TNIK: variants seen among roughly 807,000 people sequenced by gnomAD.
TNIK encodes the protein TRAF2 and NCK interacting kinase.
In TNIK, 49 loss-of-function variants were observed where a neutral mutation model predicts 191.3. That is an observed-to-expected ratio of 0.26 (90% CI 0.20 to 0.32). The LOEUF (loss-of-function observed/expected upper bound fraction) is 0.32. Among genes scored for constraint, TNIK ranks in the 10% least tolerant of loss-of-function variants. The pLI, the probability that TNIK is intolerant of heterozygous loss-of-function variation, is 1.00. For synonymous variants in TNIK, 594 were observed against 600.9 expected (o/e 0.99, Z 0.17); for missense variants, 1,155 against 1,702.3 (o/e 0.68, Z 5.66).
At chr3:171,440,297 C>T (rs1255071790) in intron 1 of TNIK, among the ~76,000 whole-genome samples, 1 of 152,156 alleles carries the variant, frequency 6.6e-6, no homozygotes, top group Non-Finnish European at 1.5e-5. Context: ...TAACAGTAAA[C>T]ATAGGAACAT....
Position 171,084,284 on chromosome 3 carries a change from G to A in TNIK, c.3040C>T (p.Leu1014Phe). ...ACCGAAATCTTTCTTGCTTCATTGA[G>A]TTTGGCCTGTTCTTGCCTAAGAAGT... ...SELLRQEQAK[L>F]NEARKISVVN... The change falls in exon 26 of 33, where the codon CTC (leucine) becomes TTC (phenylalanine). Residue 1014 changes from leucine to phenylalanine, a missense_variant. Around this residue, in one of 3 missense-constraint regions of TNIK, gnomAD observed 735 missense variants for 848.0 expected, o/e 0.87. Coordinates refer to ENST00000436636, the MANE Select transcript of TNIK (RefSeq NM_015028.4). The A allele has an allele frequency of 6.2e-7, 1 of 1,613,822 alleles. No individual in the cohort carries two copies. Among genetic ancestry groups the A allele is most frequent in the East Asian group, 2.2e-5 (1 of 44,870 alleles).
At chr3:171,357,197 G>C (rs1352977003) in intron 2 of TNIK, among the ~76,000 whole-genome samples, 1 of 152,046 alleles carries the variant, frequency 6.6e-6, no homozygotes, top group Non-Finnish European at 1.5e-5. Flanking sequence ...ATTATATTTT[G>C]TGTCAGTCTC....
At chr3:171,386,865 C>T (rs1718803864) in intron 1 of TNIK, among the ~76,000 whole-genome samples, 1 of 152,148 alleles carries the variant, frequency 6.6e-6, no homozygotes, top group African/African-American at 2.4e-5. Flanking sequence ...AAAACTTTGC[C>T]ACTCCAGGGT....
intron 12 of TNIK, among the ~76,000 whole-genome samples, chr3:171,153,336 C>T (rs1390141937): frequency 6.6e-6 from 1 of 152,070 alleles, no homozygotes; most frequent in Non-Finnish European, 1.5e-5. Context: ...TTTATTACCA[C>T]AAACCAATAA....
intron 2 of TNIK, among the ~76,000 whole-genome samples, chr3:171,272,440 A>G (rs991188610): frequency 6.6e-6 from 1 of 152,230 alleles, no homozygotes; most frequent in Non-Finnish European, 1.5e-5. Flanking sequence ...CACCGTACAC[A>G]TCGAGACAGT....
intron 2 of TNIK, among the ~76,000 whole-genome samples, chr3:171,273,393 C>G (rs1749363251): frequency 6.6e-6 from 1 of 152,136 alleles, no homozygotes; most frequent in South Asian, 2.1e-4. Flanking sequence ...CTCTCTTTTC[C>G]CAAAGTGGAC....
chr3:171,316,770 T>C (rs1754640570), intron 2 of TNIK, among the ~76,000 whole-genome samples: 1 of 152,006 alleles, frequency 6.6e-6, no homozygotes, highest in Non-Finnish European at 1.5e-5. Flanking sequence ...TGTGTCCTCC[T>C]GCCTGAATGA....
At chr3:171,072,550 T>G (rs2108327289) in intron 28 of TNIK, among the ~76,000 whole-genome samples, 1 of 151,940 alleles carries the variant, frequency 6.6e-6, no homozygotes, top group East Asian at 1.9e-4. Context: ...CTCTTACCAC[T>G]CCTATAGTAT....
At position 171,437,737 on chromosome 3, in the gene TNIK, C is replaced by A. The variant is rs553751614; in HGVS notation, c.57+22270G>T. Among the ~76,000 whole-genome samples the A allele has an allele frequency of 4.6e-5, 7 of 152,304 alleles. No individual in the cohort carries two copies. The South Asian group carries it at 1.2e-3, about 27-fold the overall frequency. ...CTGAAATCCACCTATAATCTGTCAC[C>A]CATGCCAAGGCCATGTTTGAACTTC... On this transcript the variant is annotated intron_variant, in intron 1 of 32. Transcript: ENST00000436636.
chr3:171,345,236 T>A (rs1463305304), intron 2 of TNIK, among the ~76,000 whole-genome samples: 1 of 152,194 alleles, frequency 6.6e-6, no homozygotes. Flanking sequence ...AGCTATTTCC[T>A]TTTTTGTTTG....
At chr3:171,369,505 T>A (rs1191955603) in intron 2 of TNIK, 115 bp downstream of exon 2, 3 of 653,684 alleles carry the variant, frequency 4.6e-6, no homozygotes, top group Non-Finnish European at 7.6e-6. Flanking sequence ...AACAAGTATA[T>A]TAATTCATTT....
intron 2 of TNIK, among the ~76,000 whole-genome samples, chr3:171,294,844 TTACA>T (rs1752086294): frequency 6.6e-6 from 1 of 152,158 alleles, no homozygotes; most frequent in Non-Finnish European, 1.5e-5. Flanking sequence ...TCTCAGTAGC[TTACA>T]TACAGAATTT....
intron 2 of TNIK, among the ~76,000 whole-genome samples, chr3:171,280,098 T>A (rs1397210799): frequency 1.3e-5 from 2 of 152,212 alleles, no homozygotes; most frequent in African/African-American, 2.4e-5. Flanking sequence ...AGAATCTATG[T>A]CTCGCACGTT....
intron 3 of TNIK, among the ~76,000 whole-genome samples, chr3:171,218,529 T>G (rs1387061053): frequency 6.9e-6 from 1 of 145,386 alleles, no homozygotes; most frequent in South Asian, 2.1e-4. Flanking sequence ...TGGAATGAGT[T>G]TTTTTTTTTT....
intron 1 of TNIK, among the ~76,000 whole-genome samples, chr3:171,384,176 A>C (rs1397443688): frequency 2.0e-5 from 3 of 152,120 alleles, no homozygotes; most frequent in Middle Eastern, 3.4e-3. Flanking sequence ...CTCCCATTAC[A>C]CTCCATTAGA....
chr3:171,124,435 T>A (rs193008282), intron 17 of TNIK, among the ~76,000 whole-genome samples: 2 of 152,300 alleles, frequency 1.3e-5, no homozygotes, highest in Non-Finnish European at 2.9e-5. Flanking sequence ...TTAGCTTATC[T>A]GGCAGAAACC....
chr3:171,116,077 T>C (rs1726644865), intron 18 of TNIK, among the ~76,000 whole-genome samples: 1 of 152,204 alleles, frequency 6.6e-6, no homozygotes, highest in Non-Finnish European at 1.5e-5. Flanking sequence ...GAAAGAAGTA[T>C]TTAGTCTCTA....
intron 2 of TNIK, among the ~76,000 whole-genome samples, chr3:171,284,188 A>G (rs569556874): frequency 2.7e-4 from 41 of 152,158 alleles, no homozygotes; most frequent in Non-Finnish European, 5.3e-4. Context: ...GATGCACACT[A>G]AAATTTGAGA....
intron 12 of TNIK, among the ~76,000 whole-genome samples, chr3:171,156,089 G>C (rs58514546): frequency 1.3e-5 from 2 of 152,162 alleles, no homozygotes; most frequent in East Asian, 3.8e-4. Context: ...TTGTTAAATG[G>C]GGATTATGAG....
Sources: gnomAD v4.1 joint callset for allele counts (sites outside exome capture counted in the v4.1 genomes callset) on GRCh38, gnomAD v4.1.1 for gene constraint, gnomAD v4.1.1 regional missense constraint, MANE v1.5 for transcripts, NCBI Gene and HGNC (gene_info 2026-07-23, HGNC 2026-07-21) for gene names.